Variants in RORA observed in about 807,000 individuals in gnomAD.
The protein encoded by RORA is nuclear receptor ROR-alpha.
A neutral mutation model predicts 69.5 loss-of-function variants in RORA; 7 were observed. The ratio of observed to expected loss-of-function variants is 0.10; its 90% CI spans 0.06 to 0.19. RORA has a LOEUF of 0.19. RORA is among the 10% of genes least tolerant of loss of function. RORA has a pLI of 1.00. For missense variants in RORA, 457 were observed against 663.0 expected (o/e 0.69, Z 3.41); for synonymous variants, 261 against 240.8 (o/e 1.08, Z -0.78).
rs2065135351 is a variant in RORA, at chr15:60,495,127, T to TCAAA, written c.*2324_*2327dup. On this transcript the variant is annotated 3_prime_UTR_variant, in exon 11 of 11. Coordinates refer to ENST00000335670, the MANE Select transcript of RORA (RefSeq NM_134261.3). ...AAACCAAAAAACTAAAACACAAAAC[T>TCAAA]CAAACAAAAACAAAACACCATTTCC... The TCAAA allele has an allele frequency of 6.7e-6, 1 of 150,328 alleles. No homozygotes were observed. The highest frequency in any genetic ancestry group is 2.5e-5 in the African/African-American group (1 of 40,782). 9.3% of individuals were successfully genotyped at this position (150,328 alleles called of 1,614,324 possible).
intron 1 of RORA, among the ~76,000 whole-genome samples, chr15:61,103,565 C>T (rs2078910369): frequency 6.6e-6 from 1 of 152,186 alleles, no homozygotes; most frequent in South Asian, 2.1e-4. Context: ...CTGGTGCCCA[C>T]AGAGTGTCTG....
chr15:60,946,918 C>T (rs991843715), intron 1 of RORA, among the ~76,000 whole-genome samples: 19 of 151,868 alleles, frequency 1.3e-4, no homozygotes, highest in African/African-American at 3.4e-4. Context: ...TGCCCGGCCC[C>T]GACCCCGTCT....
intron 1 of RORA, among the ~76,000 whole-genome samples, chr15:60,887,983 G>A (rs193230670): frequency 1.3e-5 from 2 of 152,226 alleles, no homozygotes; most frequent in African/African-American, 4.8e-5. Context: ...AAATTAGCCC[G>A]ACTTAGCCAA....
chr15:60,987,033 C>A (rs1894224905), intron 1 of RORA, among the ~76,000 whole-genome samples: 1 of 152,166 alleles, frequency 6.6e-6, no homozygotes, highest in Non-Finnish European at 1.5e-5. Flanking sequence ...CCAGTAATGC[C>A]AAACATTCCT....
chr15:60,506,017 A>G (rs1224348633), intron 5 of RORA, among the ~76,000 whole-genome samples: 1 of 152,232 alleles, frequency 6.6e-6, no homozygotes, highest in African/African-American at 2.4e-5. Context: ...GGGAAGGATT[A>G]TTCTTATTCT....
chr15:60,619,867 C>G (rs576628198), intron 2 of RORA, among the ~76,000 whole-genome samples: 7 of 152,372 alleles, frequency 4.6e-5, no homozygotes, highest in African/African-American at 1.7e-4. Flanking sequence ...TGTACCGCAT[C>G]TTTGCCTGCT....
chr15:60,755,537 C>G (rs1311870309), intron 1 of RORA, among the ~76,000 whole-genome samples: 1 of 152,092 alleles, frequency 6.6e-6, no homozygotes, highest in African/African-American at 2.4e-5. Flanking sequence ...ATTTCTGGTT[C>G]TAGATCCCTG....
chr15:60,970,015 TTCTC>T (rs890767324), intron 1 of RORA, among the ~76,000 whole-genome samples: 4 of 152,046 alleles, frequency 2.6e-5, no homozygotes, highest in Non-Finnish European at 2.9e-5. Flanking sequence ...CTCTCTTTCT[TTCTC>T]TCTCTCTCCA....
At position 60,977,290 on chromosome 15, in the gene RORA, G is replaced by A. The variant is rs4389095; in HGVS notation, c.166+251763C>T. Among the ~76,000 whole-genome samples, 108 of 152,136 alleles carry A rather than the reference G, an allele frequency of 7.1e-4. No homozygotes were observed. The East Asian group carries it at 0.012, about 17-fold the overall frequency. On this transcript the variant is annotated intron_variant, in intron 1 of 10. Coordinates refer to ENST00000335670, the MANE Select transcript of RORA (RefSeq NM_134261.3). ...TTATAAGATTAGACAAGCAAGAATG[G>A]TATTCTGTAGCCTTACGAAATCACA...
Position 61,052,229 on chromosome 15 carries a change from A to G in RORA, c.166+176824T>C, listed in dbSNP as rs569587119. Among the ~76,000 whole-genome samples, 340 of 152,330 alleles carry G rather than the reference A, an allele frequency of 2.2e-3. 3 individuals are homozygous for G. The highest frequency in any genetic ancestry group is 7.7e-3 in the African/African-American group (322 of 41,578). On this transcript the variant is annotated intron_variant, in intron 1 of 10. Coordinates refer to ENST00000335670, the MANE Select transcript of RORA (RefSeq NM_134261.3). ...CCTCCACTCCCAAACACAGCAGTGG[A>G]GGGAAAGGCCTTTTAAGCCTTATTA...
At chr15:61,104,884 C>G (rs922984922) in intron 1 of RORA, among the ~76,000 whole-genome samples, 1 of 152,130 alleles carries the variant, frequency 6.6e-6, no homozygotes, top group African/African-American at 2.4e-5. Context: ...TTCCCCCATA[C>G]TGAACCATCT....
At chr15:60,865,858 T>C (rs7179259) in intron 1 of RORA, among the ~76,000 whole-genome samples, 55,065 of 152,048 alleles carry the variant, frequency 0.36, 10,242 homozygotes, top group South Asian at 0.39. Flanking sequence ...AGAGCTATAA[T>C]GAAGATCGTT....
intron 1 of RORA, among the ~76,000 whole-genome samples, chr15:61,111,301 C>T (rs2079004268): frequency 6.6e-6 from 1 of 152,170 alleles, no homozygotes; most frequent in Non-Finnish European, 1.5e-5. Context: ...GAGACAGATG[C>T]AGTGATTATT....
intron 2 of RORA, among the ~76,000 whole-genome samples, chr15:60,668,899 A>AC (rs999532790): frequency 6.6e-6 from 1 of 152,202 alleles, no homozygotes; most frequent in African/African-American, 2.4e-5. Context: ...TTGTCCTCTT[A>AC]CCATAATTGT....
chr15:60,838,912 G>A (rs1436405382), intron 1 of RORA, among the ~76,000 whole-genome samples: 1 of 145,220 alleles, frequency 6.9e-6, no homozygotes, highest in Non-Finnish European at 1.5e-5. Context: ...TTTTTCAGAG[G>A]GTGTCTCACT....
At chr15:60,902,842 G>A (rs956449250) in intron 1 of RORA, among the ~76,000 whole-genome samples, 3 of 152,200 alleles carry the variant, frequency 2.0e-5, no homozygotes, top group Non-Finnish European at 4.4e-5. Flanking sequence ...TGGGCAGAAC[G>A]CTTTTCTCCT....
intron 1 of RORA, among the ~76,000 whole-genome samples, chr15:61,013,261 T>C (rs1174989692): frequency 2.0e-5 from 3 of 152,238 alleles, no homozygotes; most frequent in Admixed American, 1.3e-4. Context: ...TTCTTGTAAA[T>C]AGAGTTTTAT....
rs117609159 is a variant in RORA, at chr15:61,052,965, T to C, written c.166+176088A>G. Among the ~76,000 whole-genome samples the C allele has an allele frequency of 2.1e-4, 32 of 152,338 alleles. 1 individual carries two copies. In the East Asian group the frequency reaches 5.6e-3, roughly 27 times the overall value. On this transcript the variant is annotated intron_variant, in intron 1 of 10. Coordinates refer to ENST00000335670, the MANE Select transcript of RORA (RefSeq NM_134261.3). Reference sequence around the variant, plus strand: ...TCACTGAAAGTGCTTTGGGACTAAATTGTAGCACAGTATAAGTAAAGTATC... The same window carrying C: ...TCACTGAAAGTGCTTTGGGACTAAACTGTAGCACAGTATAAGTAAAGTATC...
Position 60,537,280 on chromosome 15 carries a change from G to A in RORA, c.197-5429C>T, listed in dbSNP as rs1233327845. ...AAGATGGTCATGCAGGTTGTGCTCT[G>A]CCCAGTGCGGCCTAGCTGAGGGGTC... On this transcript the variant is annotated intron_variant, in intron 2 of 10. Transcript: ENST00000335670. The surrounding 1 kb of genome is among the most constrained non-coding windows in gnomAD (Gnocchi z 4.9). Among the ~76,000 whole-genome samples, 1 of 152,186 alleles carries A rather than the reference G, an allele frequency of 6.6e-6. No homozygotes were observed. The highest frequency in any genetic ancestry group is 1.5e-5 in the Non-Finnish European group (1 of 68,034).
Sources: gnomAD v4.1 joint callset for allele counts (sites outside exome capture counted in the v4.1 genomes callset) on GRCh38, gnomAD v4.1.1 for gene constraint, Gnocchi (gnomAD v3.1) non-coding constraint, MANE v1.5 for transcripts, NCBI Gene and HGNC (gene_info 2026-07-23, HGNC 2026-07-21) for gene names.